The following PXN variants were observed in gnomAD, a reference collection of about 807,000 sequenced individuals.
PXN encodes the protein testicular tissue protein Li 134.
Under a neutral mutation model 103.6 loss-of-function variants are expected in PXN, and 61 were observed. The ratio of observed to expected loss-of-function variants is 0.59; its 90% CI spans 0.48 to 0.73. The LOEUF is 0.73. PXN is among the 30% of genes least tolerant of loss of function. The pLI is 0.00. For missense variants in PXN, 1,274 were observed against 1,460.3 expected (o/e 0.87, Z 2.08); for synonymous variants, 562 against 607.8 (o/e 0.92, Z 1.11).
chr12:120,256,132 G>T (rs147544121), intron 1 of PXN, among the ~76,000 whole-genome samples: 1 of 151,744 alleles, frequency 6.6e-6, no homozygotes, highest in East Asian at 2.0e-4. Context: ...AAACAGGCAA[G>T]ACACATGGTG....
intron 1 of PXN, chr12:120,249,864 A>T: frequency 9.1e-6 from 9 of 985,494 alleles, no homozygotes; most frequent in Non-Finnish European, 1.1e-5. Context: ...CCACCCAGCT[A>T]TCCCAACAGC....
Position 120,215,260 on chromosome 12 carries a change from C to T in PXN, c.2417G>A (p.Gly806Glu). The change falls in exon 11 of 15, where the codon GGG becomes GAG. Residue 806 changes from glycine to glutamate, a missense_variant. Coordinates refer to ENST00000637617, the MANE Select transcript of PXN (RefSeq NM_001385981.1). The surrounding 1 kb of genome is among the most constrained non-coding windows in gnomAD (Gnocchi z 4.9). Reference protein sequence around the residue: ...GQDEGGFMAQGKTGSSSPPGG... With the variant: ...GQDEGGFMAQEKTGSSSPPGG... The stretch of plus-strand genomic sequence containing the variant: ...AGGGGGTGAGCTGCTCCCTGTCTTC[C>T]CCTGGGCCATGAACTGTGGACACGG... The T allele has an allele frequency of 3.8e-6, 6 of 1,587,072 alleles. No individual in the cohort carries two copies. Among genetic ancestry groups the T allele is most frequent in the Non-Finnish European group, 5.1e-6 (6 of 1,167,870 alleles).
rs763676885 is a variant in PXN, at chr12:120,216,930, C to T, written c.1903G>A (p.Gly635Arg). ...PEAEEPAEAA[G>R]PSAQDWLTEG... is the part of the protein sequence containing the mutation. Reference sequence around the variant, plus strand: ...GTCAGCCAGTCCTGGGCAGAGGGCCCCGCCGCCTCCGCCGGCTCCTCTGCC... The same window carrying T: ...GTCAGCCAGTCCTGGGCAGAGGGCCTCGCCGCCTCCGCCGGCTCCTCTGCC... Residue 635 changes from glycine to arginine, a missense_variant, in exon 8 of 15, where the codon GGG becomes AGG. Gly to Arg is a moderately radical substitution (Grantham distance 125). Transcript: ENST00000637617. The surrounding 1 kb of genome is among the most constrained non-coding windows in gnomAD (Gnocchi z 5.1). The T allele has an allele frequency of 1.3e-5, 20 of 1,530,502 alleles. No individual in the cohort carries two copies. Among genetic ancestry groups the T allele is most frequent in the Non-Finnish European group, 1.7e-5 (20 of 1,142,874 alleles). 94.8% of individuals were successfully genotyped at this position (1,530,502 alleles called of 1,614,324 possible).
At position 120,230,745 on chromosome 12, in the gene PXN, A is replaced by G. The variant is rs1594439522; in HGVS notation, c.14-6368T>C. Among the ~76,000 whole-genome samples, 5 of 152,024 alleles carry G rather than the reference A, an allele frequency of 3.3e-5. No individual in the cohort carries two copies. The East Asian group carries it at 9.7e-4, about 30-fold the overall frequency. On this transcript the variant is annotated intron_variant, in intron 1 of 14. Transcript: ENST00000637617. ...TCACTCGGTGAGTAAGTCCCCAGGAATGGTGAGCTGGGTATATTTATCCTG... is the reference window on the plus strand; with the variant it reads ...TCACTCGGTGAGTAAGTCCCCAGGAGTGGTGAGCTGGGTATATTTATCCTG...
Position 120,220,087 on chromosome 12 carries a change from C to G in PXN, c.836G>C (p.Ser279Thr). ...LMASLSDFKT[S>T]SSTVALSAPG... ...GGCACTCAGAGCCACAGTGGAGGAG[C>G]TGGTCTGGAGAAGAGAGAAATGCAG... The change falls in exon 7 of 15, where the codon AGC becomes ACC. Residue 279 changes from serine (S) to threonine (T), a missense_variant. Ser to Thr is a moderately conservative substitution (Grantham distance 58, BLOSUM62 1). Around this residue, in one of 2 missense-constraint regions of PXN, gnomAD observed 1,178 missense variants for 1,309.0 expected, o/e 0.90. Coordinates refer to ENST00000637617, the MANE Select transcript of PXN (RefSeq NM_001385981.1). The surrounding 1 kb of genome is among the most constrained non-coding windows in gnomAD (Gnocchi z 6.1). 1 of 1,191,990 alleles carries G rather than the reference C, an allele frequency of 8.4e-7. No homozygotes were observed. The highest frequency in any genetic ancestry group is 1.2e-6 in the Non-Finnish European group (1 of 857,220). The allele number at this position is 1,191,990 out of a possible 1,614,324, so 73.8% of individuals were successfully genotyped here.
chr12:120,211,835 T>C lies in PXN; in HGVS notation c.*479A>G, dbSNP rs1880256508. 2.1e-6 allele frequency: 1 copy of C among 468,126 alleles called. No individual in the cohort carries two copies. 29.0% of individuals were successfully genotyped at this position (468,126 alleles called of 1,614,324 possible). ...CTCTGCCTTTGGATGGATGGATTTA[T>C]GCTGGCATTGTCTGGAGGGAGCCGG... On this transcript the variant is annotated 3_prime_UTR_variant, in exon 15 of 15. Coordinates refer to ENST00000637617, the MANE Select transcript of PXN (RefSeq NM_001385981.1).
At chr12:120,218,048 T>A (rs1225677895) in intron 7 of PXN, among the ~76,000 whole-genome samples, 1 of 148,754 alleles carries the variant, frequency 6.7e-6, no homozygotes, top group Admixed American at 6.7e-5. Flanking sequence ...GGGGATTTTT[T>A]TTTTTTTTTT....
Position 120,216,622 on chromosome 12 carries a change from G to A in PXN, c.1993-41C>T, listed in dbSNP as rs565751395. ...GAGGGAGAGCGATGAGGAAGAAATC[G>A]CCAGCTCAGCCCACAGGGGTGGCGG... On this transcript the variant is annotated intron_variant, in intron 8 of 14. Coordinates refer to ENST00000637617, the MANE Select transcript of PXN (RefSeq NM_001385981.1). The surrounding 1 kb of genome is among the most constrained non-coding windows in gnomAD (Gnocchi z 5.1). 4.0e-5 allele frequency: 60 copies of A among 1,515,406 alleles called. 1 individual carries two copies. Among genetic ancestry groups the A allele is most frequent in the East Asian group, 1.3e-4 (5 of 39,688 alleles). The allele number at this position is 1,515,406 out of a possible 1,614,324, so 93.9% of individuals were successfully genotyped here.
intron 1 of PXN, among the ~76,000 whole-genome samples, chr12:120,256,014 G>A (rs1455863700): frequency 6.6e-6 from 1 of 152,008 alleles, no homozygotes; most frequent in African/African-American, 2.4e-5. Context: ...AGAGGTTGCA[G>A]TGAGCCAAGA....
chr12:120,233,494 C>T (rs139748236), intron 1 of PXN, among the ~76,000 whole-genome samples: 2 of 152,162 alleles, frequency 1.3e-5, no homozygotes, highest in African/African-American at 2.4e-5. Context: ...TTAGTAGAGT[C>T]GAAGTTTCAC....
chr12:120,259,985 C>T (rs1165680189), intron 1 of PXN, among the ~76,000 whole-genome samples: 1 of 152,176 alleles, frequency 6.6e-6, no homozygotes, highest in Non-Finnish European at 1.5e-5. Flanking sequence ...TCGGGTGCAG[C>T]GGGGCTGGGG....
intron 1 of PXN, among the ~76,000 whole-genome samples, chr12:120,237,146 T>TGTAC (rs1171410092): frequency 2.3e-4 from 29 of 125,460 alleles, no homozygotes; most frequent in Non-Finnish European, 1.1e-4. Context: ...TGTGTGTGTG[T>TGTAC]ATACACACAC....
At chr12:120,253,870 T>A (rs1490396455) in intron 1 of PXN, among the ~76,000 whole-genome samples, 6 of 152,026 alleles carry the variant, frequency 3.9e-5, no homozygotes, top group African/African-American at 1.4e-4. Flanking sequence ...TATACATATA[T>A]TTATTTATTT....
intron 1 of PXN, among the ~76,000 whole-genome samples, chr12:120,251,336 G>A (rs1892141529): frequency 6.6e-6 from 1 of 151,670 alleles, no homozygotes; most frequent in Non-Finnish European, 1.5e-5. Flanking sequence ...TGGCGAACAT[G>A]GTGAAACCCC....
At chr12:120,242,120 C>T (rs575961475) in intron 1 of PXN, among the ~76,000 whole-genome samples, 2 of 152,244 alleles carry the variant, frequency 1.3e-5, no homozygotes, top group Admixed American at 1.3e-4. Flanking sequence ...GGCAGAGCCA[C>T]AGTGTTCCCT....
At chr12:120,238,737 G>T (rs1472308716) in intron 1 of PXN, among the ~76,000 whole-genome samples, 1 of 152,212 alleles carries the variant, frequency 6.6e-6, no homozygotes, top group Non-Finnish European at 1.5e-5. Context: ...GACTGTTCAG[G>T]TAGACTATTT....
In PXN at chr12:120,212,263, G is replaced by C; in HGVS notation, c.*51C>G. 1 of 1,587,130 alleles carries C rather than the reference G, an allele frequency of 6.3e-7. No individual in the cohort carries two copies. The highest frequency in any genetic ancestry group is 8.6e-7 in the Non-Finnish European group (1 of 1,167,936). On this transcript the variant is annotated 3_prime_UTR_variant, in exon 15 of 15. Transcript: ENST00000637617. This position sits in a 1 kb window ranked among gnomAD's most constrained non-coding sequence, Gnocchi z 7.2. ...CGGGTGAAGTCTCTAGGTCACAGTC[G>C]CAGTTGGGGATGCTGGCTGGGGAAG...
At chr12:120,243,829 A>C (rs116849137) in intron 1 of PXN, among the ~76,000 whole-genome samples, 1,923 of 152,194 alleles carry the variant, frequency 0.013, 20 homozygotes, top group Non-Finnish European at 0.022. Flanking sequence ...CTATGAGAAC[A>C]CCTCAAGCTG....
chr12:120,254,208 G>A (rs1892650471), intron 1 of PXN, among the ~76,000 whole-genome samples: 1 of 152,052 alleles, frequency 6.6e-6, no homozygotes, highest in South Asian at 2.1e-4. Context: ...TCTATAAAGA[G>A]GTCAAATACA....
Sources: gnomAD v4.1 joint callset for allele counts (sites outside exome capture counted in the v4.1 genomes callset) on GRCh38, gnomAD v4.1.1 for gene constraint, gnomAD v4.1.1 regional missense constraint, Gnocchi (gnomAD v3.1) non-coding constraint, MANE v1.5 for transcripts, NCBI Gene and HGNC (gene_info 2026-07-23, HGNC 2026-07-21) for gene names.